The following GABRP variants were observed in gnomAD, a reference collection of about 807,000 sequenced individuals.
The protein encoded by GABRP is gamma-aminobutyric acid receptor subunit pi.
GABRP carries 52 observed loss-of-function variants against 47.8 expected under a neutral mutation model. That is an observed-to-expected ratio of 1.09 (90% confidence interval 0.87 to 1.37). The LOEUF (loss-of-function observed/expected upper bound fraction) is 1.37, where lower values mean the gene tolerates loss of function less well. Among genes scored for constraint, GABRP ranks in the 40% most tolerant of loss-of-function variants. The probability of loss-of-function intolerance (pLI) is 0.00; values close to 1 mark genes in which losing one functional copy is unlikely to be tolerated. For synonymous variants in GABRP, 221 were observed against 205.8 expected (o/e 1.07, Z -0.63); for missense variants, 525 against 542.8 (o/e 0.97, Z 0.33).
rs7725726 is a variant in GABRP at position 170,788,666 on chromosome 5, G to A, written c.51G>A (p.Glu17=). 0.11 allele frequency: 175,073 copies of A among 1,612,468 alleles called. 17,084 individuals are homozygous for A. The highest frequency in any genetic ancestry group is 0.48 in the African/African-American group (36,064 of 74,814). ...TCGTGTGTCTGAGTCTCTTCACTGA[G>A]AGGTGAGCTTTGCTACCCCCAGAAT... is the stretch of plus-strand genomic sequence containing the variant. The part of the protein sequence containing the change: ...LAFVCLSLFT[E]RMCIQGSQFN... Residue 17 remains glutamate (E), a splice_region_variant and synonymous_variant, in exon 2 of 10, where the codon GAG becomes GAA. Transcript: ENST00000265294.
intron 7 of GABRP, among the ~76,000 whole-genome samples, chr5:170,806,624 G>A (rs1234148977): frequency 6.6e-6 from 1 of 152,098 alleles, no homozygotes; most frequent in Non-Finnish European, 1.5e-5. Context: ...TGTATTTTTG[G>A]TAGAGAGGGG....
chr5:170,790,308 C>A (rs1765232397), intron 3 of GABRP, among the ~76,000 whole-genome samples: 2 of 152,152 alleles, frequency 1.3e-5, no homozygotes, highest in African/African-American at 4.8e-5. Context: ...GCCTCACTGT[C>A]CCTTTCTGTA....
chr5:170,796,386 G>A (rs982058446), intron 5 of GABRP, among the ~76,000 whole-genome samples: 1 of 152,176 alleles, frequency 6.6e-6, no homozygotes, highest in Non-Finnish European at 1.5e-5. Flanking sequence ...GTGTGAGTGT[G>A]TGCATGCATT....
rs1262960001 is a variant in GABRP, at chr5:170,809,449, G to A, written c.833-119G>A. On this transcript the variant is annotated intron_variant, in intron 8 of 9. Transcript: ENST00000265294. Reference sequence around the variant, plus strand: ...GGTCGCAGACTTTTCAAAATGAGATGCATTCCATTTCTGGGTCTTGCCCTC... The same window carrying A: ...GGTCGCAGACTTTTCAAAATGAGATACATTCCATTTCTGGGTCTTGCCCTC... The A allele has an allele frequency of 5.7e-6, 5 of 881,034 alleles. No individual in the cohort carries two copies. In the East Asian group the frequency reaches 9.7e-5, roughly 17 times the overall value. The allele number at this position is 881,034 out of a possible 1,614,324, so 54.6% of individuals were successfully genotyped here. A position where few individuals can be genotyped will look rare whatever the true frequency, so the allele number is the denominator to read the frequency against.
chr5:170,801,400 C>T (rs1374707670), intron 6 of GABRP, among the ~76,000 whole-genome samples: 1 of 152,082 alleles, frequency 6.6e-6, no homozygotes, highest in African/African-American at 2.4e-5. Flanking sequence ...ATCATTGTTC[C>T]CCAAATTGAG....
intron 8 of GABRP, 112 bp from the exon 9 acceptor site, chr5:170,809,456 A>T: frequency 1.0e-6 from 1 of 992,314 alleles, no homozygotes; most frequent in Non-Finnish European, 1.6e-6. Flanking sequence ...GATGCATTCC[A>T]TTTCTGGGTC....
intron 9 of GABRP, among the ~76,000 whole-genome samples, chr5:170,811,065 T>C (rs1164739364): frequency 6.6e-6 from 1 of 151,380 alleles, no homozygotes; most frequent in African/African-American, 2.4e-5. Context: ...TATGGAGTAC[T>C]CACTGTGTCC....
In GABRP at chr5:170,811,994, TATC is replaced by T; in HGVS notation, c.1064_1066del (p.Ile355del). On this transcript the variant is annotated inframe_deletion, in exon 10 of 10. Coordinates refer to ENST00000265294, the MANE Select transcript of GABRP (RefSeq NM_014211.3). ...AAGTAGAAGAAGTCAGTATTACTAATATCATCAACAGCTCCATCTCCAGCTTTA... is the reference window on the plus strand; with the variant it reads ...AAGTAGAAGAAGTCAGTATTACTAATATCAACAGCTCCATCTCCAGCTTTA... 4 of 1,614,182 alleles carry T rather than the reference TATC, an allele frequency of 2.5e-6. No homozygotes were observed. Among genetic ancestry groups the T allele is most frequent in the Non-Finnish European group, 3.4e-6 (4 of 1,180,030 alleles).
Position 170,794,298 on chromosome 5 carries a change from G to C in GABRP, c.240G>C (p.Met80Ile). The C allele has an allele frequency of 1.2e-6, 2 of 1,603,218 alleles. No individual in the cohort carries two copies. Among genetic ancestry groups the C allele is most frequent in the Non-Finnish European group, 1.7e-6 (2 of 1,172,756 alleles). The change falls in exon 4 of 10, where the codon ATG (methionine) becomes ATC (isoleucine). Residue 80 changes from methionine (M) to isoleucine (I), a missense_variant and splice_region_variant. Coordinates refer to ENST00000265294, the MANE Select transcript of GABRP (RefSeq NM_014211.3). ...ASISSISESN[M>I]DYTATIYLRQ... ...TCTCTAGCATTTCAGAGAGTAACAT[G>C]GTAAGCGCTGTTCCTTTGTACTCTA...
At chr5:170,801,516 TC>T (rs1228338537) in intron 6 of GABRP, among the ~76,000 whole-genome samples, 1 of 152,156 alleles carries the variant, frequency 6.6e-6, no homozygotes, top group Non-Finnish European at 1.5e-5. Flanking sequence ...CTGTGCCAGT[TC>T]CCTTGCATTA....
In GABRP at chr5:170,812,862, A is replaced by G. The variant is rs1305342100; in HGVS notation, c.*604A>G. On this transcript the variant is annotated 3_prime_UTR_variant, in exon 10 of 10. Coordinates refer to ENST00000265294, the MANE Select transcript of GABRP (RefSeq NM_014211.3). ...TCCCCAATTTCCAATAAGTCCTATCATTGAAAATTCAAATATAAGTGAAGA... is the reference window on the plus strand; with the variant it reads ...TCCCCAATTTCCAATAAGTCCTATCGTTGAAAATTCAAATATAAGTGAAGA... 6.6e-6 allele frequency: 1 copy of G among 152,276 alleles called. No individual in the cohort carries two copies. The highest frequency in any genetic ancestry group is 2.4e-5 in the African/African-American group (1 of 41,452). The allele number at this position is 152,276 out of a possible 1,614,324, so 9.4% of individuals were successfully genotyped here.
At position 170,789,076 on chromosome 5, in the gene GABRP, G is replaced by A. The variant is rs538571628; in HGVS notation, c.54-53G>A. On this transcript the variant is annotated intron_variant, in intron 2 of 9. Transcript: ENST00000265294. Reference sequence around the variant, plus strand: ...AACACAAGCTCAAGGGTGTGTACACGTGTTGATTCACACATAAACAAGCAA... The same window carrying A: ...AACACAAGCTCAAGGGTGTGTACACATGTTGATTCACACATAAACAAGCAA... 1.8e-4 allele frequency: 246 copies of A among 1,381,364 alleles called. 2 individuals are homozygous for A. The Middle Eastern group carries it at 1.8e-3, about 10-fold the overall frequency. The allele number at this position is 1,381,364 out of a possible 1,614,324, so 85.6% of individuals were successfully genotyped here.
At chr5:170,807,060 C>CA (rs1178297708) in intron 7 of GABRP, among the ~76,000 whole-genome samples, 1 of 152,040 alleles carries the variant, frequency 6.6e-6, no homozygotes, top group African/African-American at 2.4e-5. Flanking sequence ...GTGATCCTCC[C>CA]ACCTCAGTCT....
Position 170,789,231 on chromosome 5 carries a change from C to G in GABRP, c.156C>G (p.Leu52=). 1 of 1,613,284 alleles carries G rather than the reference C, an allele frequency of 6.2e-7. No homozygotes were observed. Among genetic ancestry groups the G allele is most frequent in the South Asian group, 1.1e-5 (1 of 91,016 alleles). Residue 52 remains leucine, a synonymous_variant, in exon 3 of 10, where the codon CTC becomes CTG. Coordinates refer to ENST00000265294, the MANE Select transcript of GABRP (RefSeq NM_014211.3). ...ENLTAGYNKF[L]RPNFGGEPVQ... ...TCACAGCAGGATATAACAAATTTCT[C>G]AGGCCCAATTTTGGTGGTAGGTCAT...
intron 6 of GABRP, among the ~76,000 whole-genome samples, chr5:170,799,847 C>A (rs1228254609): frequency 1.3e-5 from 2 of 152,056 alleles, no homozygotes; most frequent in South Asian, 2.1e-4. Flanking sequence ...AAAGAGGACA[C>A]AAACAAATGG....
intron 6 of GABRP, among the ~76,000 whole-genome samples, chr5:170,800,377 A>G (rs1195028388): frequency 6.6e-6 from 1 of 152,216 alleles, no homozygotes; most frequent in Admixed American, 6.5e-5. Context: ...TAGACCTAAA[A>G]CCATAAAAAC....
chr5:170,784,696 G>A (rs534528327), intron 1 of GABRP, among the ~76,000 whole-genome samples: 54 of 152,314 alleles, frequency 3.5e-4, no homozygotes, highest in African/African-American at 1.0e-3. Context: ...TGGAAGACAC[G>A]GAAGGCAGAG....
At chr5:170,799,644 T>C (rs190150435) in intron 6 of GABRP, among the ~76,000 whole-genome samples, 169 of 152,346 alleles carry the variant, frequency 1.1e-3, no homozygotes, top group Admixed American at 2.1e-3. Context: ...TTTTTTCTCG[T>C]AAATTTGTTC....
intron 3 of GABRP, among the ~76,000 whole-genome samples, chr5:170,791,151 G>A (rs1237853446): frequency 6.6e-6 from 1 of 152,222 alleles, no homozygotes; most frequent in Non-Finnish European, 1.5e-5. Context: ...CCAACAAGGT[G>A]CAGGGTCCTT....
Sources: gnomAD v4.1 joint callset for allele counts (sites outside exome capture counted in the v4.1 genomes callset) on GRCh38, gnomAD v4.1.1 for gene constraint, MANE v1.5 for transcripts, NCBI Gene and HGNC (gene_info 2026-07-23, HGNC 2026-07-21) for gene names.